GPM6A: variants seen among roughly 807,000 people sequenced by gnomAD.
The protein encoded by GPM6A is glycoprotein M6A, also known as neuronal membrane glycoprotein M6-a.
Under a neutral mutation model 32.1 loss-of-function variants are expected in GPM6A, and 7 were observed. The ratio of observed to expected loss-of-function variants is 0.22; its 90% CI spans 0.12 to 0.41. The LOEUF is 0.41. GPM6A is among the 10% of genes least tolerant of loss of function. GPM6A has a pLI of 1.00. For synonymous variants in GPM6A, 130 were observed against 123.4 expected, an observed-to-expected ratio of 1.05 and a Z score of -0.35; for missense variants, 235 against 347.2, an observed-to-expected ratio of 0.68 and a Z score of 2.57.
At chr4:175,678,396 A>G (rs1351094348) in intron 2 of GPM6A, among the ~76,000 whole-genome samples, 1 of 152,164 alleles carries the variant, frequency 6.6e-6, no homozygotes, top group Non-Finnish European at 1.5e-5. Flanking sequence ...TACGACTAGA[A>G]TGGATAGGGG....
At chr4:175,771,431 G>T (rs987263506) in intron 1 of GPM6A, among the ~76,000 whole-genome samples, 16 of 151,666 alleles carry the variant, frequency 1.1e-4, no homozygotes, top group African/African-American at 3.4e-4. Context: ...AATTAGCCAG[G>T]CATGGTGGCA....
At chr4:175,984,008 C>G (rs1726582405) in intron 1 of GPM6A, among the ~76,000 whole-genome samples, 2 of 145,946 alleles carry the variant, frequency 1.4e-5, no homozygotes, top group Admixed American at 1.3e-4. Flanking sequence ...CTCTCTCTCT[C>G]TGTCTCTCTC....
At chr4:175,858,985 T>G (rs1187307946) in intron 1 of GPM6A, among the ~76,000 whole-genome samples, 1 of 152,236 alleles carries the variant, frequency 6.6e-6, no homozygotes, top group African/African-American at 2.4e-5. Flanking sequence ...ACATACTGTA[T>G]GATTTCATTT....
At chr4:176,002,200 G>A in intron 1 of GPM6A, 2 of 1,214,736 alleles carry the variant, frequency 1.6e-6, no homozygotes, top group Non-Finnish European at 2.4e-6. Flanking sequence ...GGGGAACAGA[G>A]CTGGGAAGGA....
At chr4:175,833,774 T>C (rs1042803351) in intron 1 of GPM6A, among the ~76,000 whole-genome samples, 4 of 152,080 alleles carry the variant, frequency 2.6e-5, no homozygotes, top group South Asian at 2.1e-4. Flanking sequence ...TTTGGGTCCC[T>C]GGTGGGAACC....
intron 1 of GPM6A, among the ~76,000 whole-genome samples, chr4:175,956,234 G>A (rs2126388985): frequency 6.6e-6 from 1 of 152,272 alleles, no homozygotes; most frequent in South Asian, 2.1e-4. Context: ...CACATGTTCT[G>A]TCTTCATTTT....
At chr4:175,686,961 T>C (rs1036765117) in intron 2 of GPM6A, among the ~76,000 whole-genome samples, 2 of 152,202 alleles carry the variant, frequency 1.3e-5, no homozygotes, top group African/African-American at 2.4e-5. Context: ...AAATGCCTGC[T>C]TCTTCCTAAG....
intron 1 of GPM6A, 150 bp downstream of exon 1, chr4:175,812,041 C>T: frequency 1.7e-6 from 1 of 588,014 alleles, no homozygotes; most frequent in Non-Finnish European, 3.0e-6. Context: ...CCAGACATTA[C>T]TGCAAGTGAG....
intron 1 of GPM6A, among the ~76,000 whole-genome samples, chr4:175,818,492 C>A (rs552665020): frequency 3.3e-5 from 5 of 152,328 alleles, no homozygotes; most frequent in South Asian, 4.1e-4. Flanking sequence ...TATCTTCCCC[C>A]CTGGCCTGCG....
intron 2 of GPM6A, among the ~76,000 whole-genome samples, chr4:175,690,783 A>C (rs1744252603): frequency 6.6e-6 from 1 of 152,188 alleles, no homozygotes; most frequent in South Asian, 2.1e-4. Flanking sequence ...TCACAACTTC[A>C]AAGTCTGTTT....
intron 1 of GPM6A, among the ~76,000 whole-genome samples, chr4:175,726,356 T>G (rs923085409): frequency 3.9e-5 from 6 of 152,194 alleles, no homozygotes; most frequent in Non-Finnish European, 7.3e-5. Context: ...TTTATCTGAA[T>G]CTATAAAAAA....
intron 1 of GPM6A, among the ~76,000 whole-genome samples, chr4:175,809,180 A>G (rs1163430441): frequency 2.6e-5 from 4 of 152,200 alleles, no homozygotes; most frequent in Non-Finnish European, 5.9e-5. Context: ...TTCTAGAAAC[A>G]GTTGCATGGC....
rs1560844740 is a variant in GPM6A, at chr4:175,640,101, A to G, written c.684+28T>C. 4.5e-6 allele frequency: 7 copies of G among 1,567,922 alleles called. No individual in the cohort carries two copies. The Admixed American group carries it at 6.7e-5, about 15-fold the overall frequency. ...AATAGCTTTGGAATTCACATTGAAA[A>G]CCAAGCACCAGCGCTTTGAGGTCTT... is the stretch of plus-strand genomic sequence containing the variant. On this transcript the variant is annotated intron_variant, in intron 6 of 6. Coordinates refer to ENST00000393658, the MANE Select transcript of GPM6A (RefSeq NM_201591.3).
At chr4:175,743,035 G>A (rs1731951534) in intron 1 of GPM6A, among the ~76,000 whole-genome samples, 1 of 151,882 alleles carries the variant, frequency 6.6e-6, no homozygotes, top group Admixed American at 6.6e-5. Flanking sequence ...AAAATATTTT[G>A]CAAGAACAAG....
chr4:175,821,657 G>A (rs1735282056), intron 1 of GPM6A, among the ~76,000 whole-genome samples: 1 of 151,674 alleles, frequency 6.6e-6, no homozygotes, highest in South Asian at 2.1e-4. Context: ...GTTCTCCCTA[G>A]GAGCTTTGCA....
At chr4:175,710,415 C>T (rs1217315703) in intron 1 of GPM6A, among the ~76,000 whole-genome samples, 1 of 152,022 alleles carries the variant, frequency 6.6e-6, no homozygotes, top group African/African-American at 2.4e-5. Flanking sequence ...TAAGTATTCT[C>T]TAAAGTTTAT....
At chr4:175,841,042 T>G (rs909960141) in intron 1 of GPM6A, among the ~76,000 whole-genome samples, 71 of 152,154 alleles carry the variant, frequency 4.7e-4, no homozygotes, top group African/African-American at 1.6e-3. Context: ...AACTAATTTG[T>G]CAAAGTCACA....
intron 1 of GPM6A, among the ~76,000 whole-genome samples, chr4:175,965,867 C>T (rs1266814878): frequency 6.6e-6 from 1 of 152,104 alleles, no homozygotes; most frequent in African/African-American, 2.4e-5. Flanking sequence ...CCACCTCAGC[C>T]TCCCAAAGTG....
chr4:175,702,726 AG>A (rs879607424), intron 1 of GPM6A, among the ~76,000 whole-genome samples: 10 of 152,344 alleles, frequency 6.6e-5, no homozygotes, highest in Middle Eastern at 3.4e-3. Flanking sequence ...CATATTGGTC[AG>A]GCTGGTCTCG....
Sources: gnomAD v4.1 joint callset for allele counts (sites outside exome capture counted in the v4.1 genomes callset) on GRCh38, gnomAD v4.1.1 for gene constraint, MANE v1.5 for transcripts, NCBI Gene and HGNC (gene_info 2026-07-23, HGNC 2026-07-21) for gene names.